Variants in FGF2 observed in about 807,000 individuals in gnomAD.
The protein encoded by FGF2 is basic fibroblast growth factor bFGF.
Under a neutral mutation model 15.9 loss-of-function variants are expected in FGF2, and 13 were observed. The ratio of observed to expected loss-of-function variants is 0.82; its 90% CI spans 0.53 to 1.30. The LOEUF (loss-of-function observed/expected upper bound fraction) is 1.30. Ranked by LOEUF, FGF2 falls within the 50% of genes most tolerant of loss-of-function variation. The pLI is 0.00. For synonymous variants in FGF2, 90 were observed against 78.4 expected, an observed-to-expected ratio of 1.15 and a Z score of -0.78; for missense variants, 163 against 196.9, an observed-to-expected ratio of 0.83 and a Z score of 1.03.
At chr4:122,846,941 G>A (rs760160002) in intron 1 of FGF2, among the ~76,000 whole-genome samples, 57 of 152,156 alleles carry the variant, frequency 3.7e-4, no homozygotes, top group Non-Finnish European at 7.1e-4. Context: ...ATGCACGGGT[G>A]GGCTGTGGAG....
At chr4:122,830,699 A>G (rs1241532408) in intron 1 of FGF2, among the ~76,000 whole-genome samples, 1 of 152,032 alleles carries the variant, frequency 6.6e-6, no homozygotes, top group Non-Finnish European at 1.5e-5. Flanking sequence ...AAAAACATTC[A>G]GAAGAGAGAA....
rs1725666519 is a variant in FGF2 at position 122,827,435 on chromosome 4, C to T, written c.178+83C>T. 1 of 1,492,102 alleles carries T rather than the reference C, an allele frequency of 6.7e-7. No homozygotes were observed. The highest frequency in any genetic ancestry group is 1.2e-5 in the South Asian group (1 of 86,868). 92.4% of individuals were successfully genotyped at this position (1,492,102 alleles called of 1,614,324 possible). On this transcript the variant is annotated intron_variant, in intron 1 of 2. Transcript: ENST00000644866. The surrounding 1 kb of genome is among the most constrained non-coding windows in gnomAD (Gnocchi z 4.2). ...TCTCCCCTCCAGCCTGCACCCTCCT[C>T]CCGGATCTTCACTGCGACCCTAGCG...
At chr4:122,879,279 C>T (rs1726916559) in intron 2 of FGF2, among the ~76,000 whole-genome samples, 1 of 152,188 alleles carries the variant, frequency 6.6e-6, no homozygotes, top group Admixed American at 6.5e-5. Flanking sequence ...TTTTGGATGA[C>T]TGACATTTTA....
chr4:122,888,678 G>A (rs866342485), intron 2 of FGF2: 4 of 152,144 alleles, frequency 2.6e-5, no homozygotes, highest in African/African-American at 7.2e-5. Context: ...GATGGTTAAC[G>A]CCTTCATCTC....
chr4:122,879,122 T>TTAA (rs1383449588), intron 2 of FGF2, among the ~76,000 whole-genome samples: 2 of 152,208 alleles, frequency 1.3e-5, no homozygotes, highest in African/African-American at 4.8e-5. Flanking sequence ...GCTCAAAACA[T>TTAA]TAACTACTTG....
intron 1 of FGF2, among the ~76,000 whole-genome samples, chr4:122,865,318 G>A (rs1387864887): frequency 6.6e-6 from 1 of 151,900 alleles, no homozygotes; most frequent in Non-Finnish European, 1.5e-5. Context: ...TTGAGACAGG[G>A]TCTTCTCTGT....
Position 122,893,261 on chromosome 4 carries a change from T to G in FGF2, c.*865T>G. On this transcript the variant is annotated 3_prime_UTR_variant, in exon 3 of 3. Coordinates refer to ENST00000644866, the MANE Select transcript of FGF2 (RefSeq NM_001361665.2). ...AAAGAGATGTACAAATCAATAATAA[T>G]TACACTTTTAGAAACTGTATCATCA... 6 of 1,535,538 alleles carry G rather than the reference T, an allele frequency of 3.9e-6. No homozygotes were observed. The highest frequency in any genetic ancestry group is 5.3e-6 in the Non-Finnish European group (6 of 1,142,332).
chr4:122,869,191 C>A (rs946977727), intron 1 of FGF2, among the ~76,000 whole-genome samples: 9 of 151,980 alleles, frequency 5.9e-5, no homozygotes, highest in African/African-American at 2.2e-4. Context: ...CTCCATTGGT[C>A]TATATATCTG....
chr4:122,838,920 G>T (rs1725920143), intron 1 of FGF2, among the ~76,000 whole-genome samples: 1 of 152,198 alleles, frequency 6.6e-6, no homozygotes, highest in South Asian at 2.1e-4. Flanking sequence ...ATGTATGATG[G>T]TGGTCCCATA....
chr4:122,832,380 G>T (rs1397333953), intron 1 of FGF2, among the ~76,000 whole-genome samples: 2 of 152,050 alleles, frequency 1.3e-5, no homozygotes, highest in African/African-American at 2.4e-5. Context: ...CTTCAGCTGT[G>T]ATTACAAGCA....
intron 2 of FGF2, among the ~76,000 whole-genome samples, chr4:122,880,278 G>A (rs144057275): frequency 0.06 from 8,351 of 140,300 alleles, 590 homozygotes; most frequent in African/African-American, 0.18. Context: ...ATGGAGTCTC[G>A]CTCTGTTGCC....
rs1725668166 is a variant in FGF2, at chr4:122,827,490, C to A, written c.178+138C>A. ...GTGTGGTTTCTGGCCGCGCGGCCCT[C>A]GGCGGTTTCGGGTTCACCACTCACC... On this transcript the variant is annotated intron_variant, in intron 1 of 2. Transcript: ENST00000644866. This position sits in a 1 kb window ranked among gnomAD's most constrained non-coding sequence, Gnocchi z 4.2. The A allele has an allele frequency of 5.0e-6, 5 of 1,008,578 alleles. No homozygotes were observed. The highest frequency in any genetic ancestry group is 4.8e-5 in the African/African-American group (3 of 62,894). 62.5% of individuals were successfully genotyped at this position (1,008,578 alleles called of 1,614,324 possible).
chr4:122,856,750 A>ATG, intron 1 of FGF2, among the ~76,000 whole-genome samples: 1 of 152,324 alleles, frequency 6.6e-6, no homozygotes, highest in East Asian at 1.9e-4. Context: ...AAACAGTAGT[A>ATG]CAGTATCATA....
At chr4:122,886,089 G>A (rs1444191823) in intron 2 of FGF2, among the ~76,000 whole-genome samples, 1 of 151,018 alleles carries the variant, frequency 6.6e-6, no homozygotes, top group Non-Finnish European at 1.5e-5. Context: ...CTACTAATTT[G>A]TTTTTATTTT....
upstream of FGF2, chr4:122,826,734 G>C: frequency 7.9e-7 from 1 of 1,261,794 alleles, no homozygotes; most frequent in Non-Finnish European, 1.0e-6. Flanking sequence ...GAGCGAGTAG[G>C]GGGCGGCGCG....
Position 122,868,274 on chromosome 4 carries a change from C to T in FGF2, c.179-8047C>T, listed in dbSNP as rs372562975. Among the ~76,000 whole-genome samples the T allele has an allele frequency of 7.7e-4, 117 of 152,264 alleles. No homozygotes were observed. In the East Asian group the frequency reaches 0.015, roughly 19 times the overall value. ...ATCCTCTAAGTTCCCTCCTTTCACT[C>T]CCCACCCCACAACAGGCCCTGGTGT... On this transcript the variant is annotated intron_variant, in intron 1 of 2. Transcript: ENST00000644866.
chr4:122,828,160 C>G (rs1039635665), intron 1 of FGF2, among the ~76,000 whole-genome samples: 2 of 152,120 alleles, frequency 1.3e-5, no homozygotes, highest in Non-Finnish European at 2.9e-5. Context: ...GTTTGTGGTT[C>G]TAGAAAGAAC....
chr4:122,877,266 T>A (rs1726875986), intron 2 of FGF2, among the ~76,000 whole-genome samples: 1 of 152,044 alleles, frequency 6.6e-6, no homozygotes, highest in African/African-American at 2.4e-5. Flanking sequence ...TGCACCACCA[T>A]GCCTGGTTAA....
chr4:122,846,007 C>CAATG (rs1338787671), intron 1 of FGF2, among the ~76,000 whole-genome samples: 1 of 152,196 alleles, frequency 6.6e-6, no homozygotes, highest in Non-Finnish European at 1.5e-5. Context: ...AAGTGAAAGA[C>CAATG]AATGAGACTC....
Sources: gnomAD v4.1 joint callset for allele counts (sites outside exome capture counted in the v4.1 genomes callset) on GRCh38, gnomAD v4.1.1 for gene constraint, Gnocchi (gnomAD v3.1) non-coding constraint, MANE v1.5 for transcripts, NCBI Gene and HGNC (gene_info 2026-07-23, HGNC 2026-07-21) for gene names.